CASZ1: variants seen among roughly 807,000 people sequenced by gnomAD.
CASZ1 encodes castor zinc finger 1.
In CASZ1, 28 loss-of-function variants were observed where a neutral mutation model predicts 135.2. The ratio of observed to expected loss-of-function variants is 0.21; its 90% confidence interval spans 0.15 to 0.28. The LOEUF (loss-of-function observed/expected upper bound fraction) is 0.28, where lower values mean the gene tolerates loss of function less well. CASZ1 is among the 10% of genes least tolerant of loss of function. CASZ1 has a pLI of 1.00. For synonymous variants in CASZ1, 1,068 were observed against 1,073.4 expected (o/e 0.99, Z 0.10); for missense variants, 2,161 against 2,453.3 (o/e 0.88, Z 2.52).
At position 10,660,188 on chromosome 1, in the gene CASZ1, A is replaced by G. The variant is rs924509109; in HGVS notation, c.854T>C (p.Leu285Pro). The G allele has an allele frequency of 6.2e-7, 1 of 1,613,568 alleles. No individual in the cohort carries two copies. Among genetic ancestry groups the G allele is most frequent in the Admixed American group, 1.7e-5 (1 of 60,030 alleles). The change falls in exon 6 of 21, where the codon CTG (leucine) becomes CCG (proline). Residue 285 changes from leucine (L) to proline (P), a missense_variant. Around this residue, in one of 7 missense-constraint regions of CASZ1, gnomAD observed 590 missense variants for 609.8 expected, o/e 0.97. Coordinates refer to ENST00000377022, the MANE Select transcript of CASZ1 (RefSeq NM_001079843.3). ...GLRLPSSTAH[L>P]ETKATILPLP... ...GGGCAGGATGGTGGCCTTGGTCTCC[A>G]GGTGGGCCGTGCTGCTGGGCAGCCG...
intron 1 of CASZ1, among the ~76,000 whole-genome samples, chr1:10,795,345 T>C (rs1641044640): frequency 6.6e-6 from 1 of 152,118 alleles, no homozygotes; most frequent in African/African-American, 2.4e-5. Context: ...ACAAACTACT[T>C]TTTTCTCTGT....
Position 10,650,305 on chromosome 1 carries a change from G to A in CASZ1, c.2880+387C>T, listed in dbSNP as rs1448089854. On this transcript the variant is annotated intron_variant, in intron 13 of 20. Coordinates refer to ENST00000377022, the MANE Select transcript of CASZ1 (RefSeq NM_001079843.3). ...GAGACCATTACTCAACCGGAAAAGT[G>A]GAAATTGATGTTTTGCTCCCACTTT... The A allele has an allele frequency of 2.6e-5, 4 of 152,770 alleles. No homozygotes were observed. In the East Asian group the frequency reaches 7.6e-4, roughly 29 times the overall value. 9.5% of individuals were successfully genotyped at this position (152,770 alleles called of 1,614,324 possible).
At chr1:10,748,709 G>T (rs1378222983) in intron 2 of CASZ1, among the ~76,000 whole-genome samples, 1 of 152,102 alleles carries the variant, frequency 6.6e-6, no homozygotes, top group Non-Finnish European at 1.5e-5. Context: ...CTCGTCTGGG[G>T]TCTCTGACCA....
chr1:10,675,434 A>C (rs941766348), intron 4 of CASZ1, among the ~76,000 whole-genome samples: 1 of 151,996 alleles, frequency 6.6e-6, no homozygotes, highest in Non-Finnish European at 1.5e-5. Flanking sequence ...CAGTGCGAGC[A>C]GGCGGGGTGG....
rs1468686087 is a variant in CASZ1, at chr1:10,747,534, A to T, written c.-77+13167T>A. Among the ~76,000 whole-genome samples the T allele has an allele frequency of 6.6e-6, 1 of 152,226 alleles. No homozygotes were observed. ...CCTCCAGTGAGTGAGCAGAAGCTGC[A>T]GTCCCTGTCCCGGGCTTTGCAGAGT... On this transcript the variant is annotated intron_variant, in intron 2 of 20. Coordinates refer to ENST00000377022, the MANE Select transcript of CASZ1 (RefSeq NM_001079843.3). This position sits in a 1 kb window ranked among gnomAD's most constrained non-coding sequence, Gnocchi z 4.3.
At position 10,776,465 on chromosome 1, in the gene CASZ1, T is replaced by C. The variant is rs1640662943; in HGVS notation, c.-233-15608A>G. Among the ~76,000 whole-genome samples the C allele has an allele frequency of 6.6e-6, 1 of 152,218 alleles. No individual in the cohort carries two copies. Among genetic ancestry groups the C allele is most frequent in the Non-Finnish European group, 1.5e-5 (1 of 68,030 alleles). On this transcript the variant is annotated intron_variant, in intron 1 of 20. Coordinates refer to ENST00000377022, the MANE Select transcript of CASZ1 (RefSeq NM_001079843.3). This position sits in a 1 kb window ranked among gnomAD's most constrained non-coding sequence, Gnocchi z 4.1. Reference sequence around the variant, plus strand: ...ACAGGGTACCACTTCTCTCCCCTGCTTGTAATTGTCTCACGTCTTGGCCTC... The same window carrying C: ...ACAGGGTACCACTTCTCTCCCCTGCCTGTAATTGTCTCACGTCTTGGCCTC...
chr1:10,639,985 C>G lies in CASZ1; in HGVS notation c.4237G>C (p.Gly1413Arg), dbSNP rs762925857. The G allele has an allele frequency of 3.1e-6, 5 of 1,612,728 alleles. No individual in the cohort carries two copies. The highest frequency in any genetic ancestry group is 4.2e-6 in the Non-Finnish European group (5 of 1,180,006). ...GAGGACGCCGTCTTCCGCCGCTTGC[C>G]GAAGGGCGACATGTCCTCGATGATC... ...FWIIEDMSPF[G>R]KRRKTASSRK... is the part of the protein sequence containing the mutation. The change falls in exon 21 of 21, where the codon GGC becomes CGC. Residue 1413 changes from glycine to arginine, a missense_variant. Around this residue, in one of 7 missense-constraint regions of CASZ1, gnomAD observed 143 missense variants for 128.3 expected, o/e 1.11. Coordinates refer to ENST00000377022, the MANE Select transcript of CASZ1 (RefSeq NM_001079843.3). The surrounding 1 kb of genome is among the most constrained non-coding windows in gnomAD (Gnocchi z 4.0).
At position 10,762,296 on chromosome 1, in the gene CASZ1, C is replaced by A. The variant is rs534416040; in HGVS notation, c.-233-1439G>T. On this transcript the variant is annotated intron_variant, in intron 1 of 20. Transcript: ENST00000377022. This position sits in a 1 kb window ranked among gnomAD's most constrained non-coding sequence, Gnocchi z 4.1. ...TCAGCCCAGCTCCCATCCCACCCCT[C>A]GGCGCCACACAGGGTTAACAGCGGG... Among the ~76,000 whole-genome samples, 1 of 152,030 alleles carries A rather than the reference C, an allele frequency of 6.6e-6. No homozygotes were observed. Among genetic ancestry groups the A allele is most frequent in the Non-Finnish European group, 1.5e-5 (1 of 68,010 alleles).
At position 10,722,929 on chromosome 1, in the gene CASZ1, C is replaced by T. The variant is rs1055749029; in HGVS notation, c.-76-17385G>A. 2.6e-5 allele frequency among the ~76,000 whole-genome samples: 4 copies of T among 152,376 alleles called. No homozygotes were observed. In the South Asian group the frequency reaches 6.2e-4, roughly 24 times the overall value. ...CATCCGGGGGAGCTTGGAAGCCTTC[C>T]GGGAAGAGCACTGCCCTGGCACCAG... On this transcript the variant is annotated intron_variant, in intron 2 of 20. Transcript: ENST00000377022.
intron 4 of CASZ1, among the ~76,000 whole-genome samples, chr1:10,671,972 A>C (rs1027092727): frequency 1.3e-5 from 2 of 152,166 alleles, no homozygotes; most frequent in Non-Finnish European, 2.9e-5. Context: ...CAGCCCCACA[A>C]GCTGTGCCAT....
At chr1:10,770,725 C>A (rs996446462) in intron 1 of CASZ1, among the ~76,000 whole-genome samples, 33 of 152,204 alleles carry the variant, frequency 2.2e-4, no homozygotes, top group Non-Finnish European at 2.1e-4. Flanking sequence ...CCCAGCCCCA[C>A]CCCATCAGTT....
At chr1:10,668,795 G>C (rs1643315717) in intron 4 of CASZ1, among the ~76,000 whole-genome samples, 1 of 152,282 alleles carries the variant, frequency 6.6e-6, no homozygotes, top group South Asian at 2.1e-4. Context: ...GCACCTGTCT[G>C]TGCCAAGCAC....
chr1:10,787,514 A>AG (rs1233656687), intron 1 of CASZ1, among the ~76,000 whole-genome samples: 2 of 152,122 alleles, frequency 1.3e-5, no homozygotes, highest in African/African-American at 4.8e-5. Flanking sequence ...CCCGGGGGCG[A>AG]GGGGGGCGGG....
intron 14 of CASZ1, 33 bp from the exon 15 acceptor site, chr1:10,649,225 TG>T (rs1329241967): frequency 6.2e-7 from 1 of 1,610,482 alleles, no homozygotes; most frequent in South Asian, 1.1e-5. Context: ...GAGGAGAGCC[TG>T]GGGCTCCAGG....
intron 4 of CASZ1, among the ~76,000 whole-genome samples, chr1:10,684,289 G>A (rs549007940): frequency 6.6e-6 from 1 of 152,180 alleles, no homozygotes; most frequent in South Asian, 2.1e-4. Flanking sequence ...AAAGGGGTGG[G>A]ATCACAGCTG....
chr1:10,642,849 T>C lies in CASZ1; in HGVS notation c.4162+10A>G, dbSNP rs200729371. 1.5e-4 allele frequency: 244 copies of C among 1,611,186 alleles called. No homozygotes were observed. Among genetic ancestry groups the C allele is most frequent in the Middle Eastern group, 8.3e-4 (5 of 5,998 alleles). On this transcript the variant is annotated intron_variant, in intron 20 of 20. Transcript: ENST00000377022. ...CCTGGCCCTGCCAGCAGCCCCTGCCTGCCGCTCACCTGCCGCGGTGCTCTC... is the reference window on the plus strand; with the variant it reads ...CCTGGCCCTGCCAGCAGCCCCTGCCCGCCGCTCACCTGCCGCGGTGCTCTC...
rs779844536 is a variant in CASZ1, at chr1:10,707,481, A to T, written c.-76-1937T>A. On this transcript the variant is annotated intron_variant, in intron 2 of 20. Transcript: ENST00000377022. This position sits in a 1 kb window ranked among gnomAD's most constrained non-coding sequence, Gnocchi z 5.0. ...AAGAAGCTTAGAGAGCAACTTGCAG[A>T]TCTGATCACACAGAACAATCAGGGA... Among the ~76,000 whole-genome samples, 8 of 152,132 alleles carry T rather than the reference A, an allele frequency of 5.3e-5. No individual in the cohort carries two copies. The highest frequency in any genetic ancestry group is 1.0e-4 in the Non-Finnish European group (7 of 68,024).
intron 8 of CASZ1, 114 bp from the exon 9 acceptor site, chr1:10,655,927 C>T: frequency 1.8e-6 from 2 of 1,090,770 alleles, no homozygotes; most frequent in Non-Finnish European, 1.4e-6. Flanking sequence ...TAGAAAGAAC[C>T]CTGCTTGGGG....
chr1:10,660,016 C>G lies in CASZ1; in HGVS notation c.1026G>C (p.Glu342Asp), dbSNP rs773589190. ...TYKKPSKYDL[E>D]NVKYLHLFKP... ...TGAAGAGGTGCAGGTACTTGACATT[C>G]TCCAGGTCGTACTTGGATGGCTTCT... is the stretch of plus-strand genomic sequence containing the variant. Residue 342 changes from glutamate (E) to aspartate (D), a missense_variant, in exon 6 of 21, where the codon GAG (glutamate) becomes GAC (aspartate). By Grantham distance (45) the Glu-to-Asp change is conservative (BLOSUM62 2). Around this residue, in one of 7 missense-constraint regions of CASZ1, gnomAD observed 590 missense variants for 609.8 expected, o/e 0.97. Coordinates refer to ENST00000377022, the MANE Select transcript of CASZ1 (RefSeq NM_001079843.3). 2 of 1,614,118 alleles carry G rather than the reference C, an allele frequency of 1.2e-6. No homozygotes were observed. Among genetic ancestry groups the G allele is most frequent in the Non-Finnish European group, 8.5e-7 (1 of 1,180,002 alleles).
Sources: gnomAD v4.1 joint callset for allele counts (sites outside exome capture counted in the v4.1 genomes callset) on GRCh38, gnomAD v4.1.1 for gene constraint, gnomAD v4.1.1 regional missense constraint, Gnocchi (gnomAD v3.1) non-coding constraint, MANE v1.5 for transcripts, NCBI Gene and HGNC (gene_info 2026-07-23, HGNC 2026-07-21) for gene names.